MIGA1: variants seen among roughly 807,000 people sequenced by gnomAD.
MIGA1 encodes mitoguardin 1.
In MIGA1, 58 loss-of-function variants were observed where a neutral mutation model predicts 82.0. The ratio of observed to expected loss-of-function variants is 0.71; its 90% CI spans 0.57 to 0.88. The LOEUF (loss-of-function observed/expected upper bound fraction) is 0.88, where lower values mean the gene tolerates loss of function less well. MIGA1 is among the 40% of genes least tolerant of loss of function. The pLI is 0.00. For synonymous variants in MIGA1, 249 were observed against 253.6 expected (o/e 0.98, Z 0.17); for missense variants, 751 against 749.1 (o/e 1.00, Z -0.03).
intron 1 of MIGA1, chr1:77,782,840 A>G (rs1557890797): frequency 1.0e-6 from 1 of 983,990 alleles, no homozygotes; most frequent in Non-Finnish European, 1.2e-6. Context: ...CCTGCCACCT[A>G]CTCTCACCCC....
chr1:77,797,368 T>A (rs1682699616), intron 2 of MIGA1, among the ~76,000 whole-genome samples: 1 of 152,240 alleles, frequency 6.6e-6, no homozygotes, highest in Non-Finnish European at 1.5e-5. Context: ...TGTATTGATC[T>A]ATACGTCCAC....
At chr1:77,796,916 A>T (rs1682680090) in intron 2 of MIGA1, among the ~76,000 whole-genome samples, 1 of 152,170 alleles carries the variant, frequency 6.6e-6, no homozygotes, top group Non-Finnish European at 1.5e-5. Context: ...CAAACAGAAC[A>T]GTTCTTCATC....
intron 14 of MIGA1, among the ~76,000 whole-genome samples, chr1:77,871,072 C>A (rs1394098381): frequency 5.7e-5 from 6 of 105,400 alleles, no homozygotes; most frequent in African/African-American, 1.8e-4. Flanking sequence ...AGAGGGAGAC[C>A]GTGGAAGGAG....
Position 77,779,829 on chromosome 1 carries a change from G to C in MIGA1, c.81+93G>C, listed in dbSNP as rs553962801. ...CAGTTGGGGCAGAGGCCTCGGGGCA[G>C]GGGTGGCGCGGACTCCATCGCTGGC... On this transcript the variant is annotated intron_variant, in intron 1 of 15. Transcript: ENST00000370791. 5,365 of 1,444,132 alleles carry C rather than the reference G, an allele frequency of 3.7e-3. 13 individuals are homozygous for C. The highest frequency in any genetic ancestry group is 4.5e-3 in the Non-Finnish European group (4,918 of 1,102,624). The allele number at this position is 1,444,132 out of a possible 1,614,324, so 89.5% of individuals were successfully genotyped here.
At chr1:77,838,901 A>G (rs1429884334) in intron 7 of MIGA1, among the ~76,000 whole-genome samples, 5 of 152,222 alleles carry the variant, frequency 3.3e-5, no homozygotes, top group Admixed American at 1.3e-4. Context: ...GATCCATGTT[A>G]CTGCATGTAG....
At chr1:77,780,896 T>G (rs1001646862) in intron 1 of MIGA1, among the ~76,000 whole-genome samples, 7 of 151,300 alleles carry the variant, frequency 4.6e-5, no homozygotes, top group Admixed American at 1.3e-4. Context: ...GTCATAATAT[T>G]TTTTCTTTTT....
intron 7 of MIGA1, among the ~76,000 whole-genome samples, chr1:77,838,594 C>T (rs145617345): frequency 2.0e-5 from 3 of 152,148 alleles, no homozygotes; most frequent in Non-Finnish European, 2.9e-5. Flanking sequence ...GTTACAGGTG[C>T]CTGCCACCAC....
At chr1:77,783,210 A>G (rs1438015536) in intron 1 of MIGA1, 28 bp from the exon 2 acceptor site, 3 of 1,460,202 alleles carry the variant, frequency 2.1e-6, no homozygotes, top group East Asian at 2.3e-5. Flanking sequence ...CTTTGTGGCT[A>G]ATTTTTTTTA....
At chr1:77,844,329 A>G (rs1176004022) in intron 8 of MIGA1, among the ~76,000 whole-genome samples, 2 of 151,714 alleles carry the variant, frequency 1.3e-5, no homozygotes, top group Non-Finnish European at 2.9e-5. Flanking sequence ...ACATGGGAAC[A>G]TGTTAAGTGA....
chr1:77,866,449 C>A, intron 14 of MIGA1, 58 bp downstream of exon 14: 1 of 1,532,740 alleles, frequency 6.5e-7, no homozygotes, highest in Non-Finnish European at 9.0e-7. Context: ...TCTGTCAAAG[C>A]AGCTTCTGAG....
chr1:77,847,521 GAA>G (rs982400797), intron 8 of MIGA1: 6 of 1,449,058 alleles, frequency 4.1e-6, no homozygotes, highest in Non-Finnish European at 5.8e-6. Flanking sequence ...AATACAGAGA[GAA>G]AGAGAAATGG....
At chr1:77,816,202 C>T (rs1043836549) in intron 7 of MIGA1, among the ~76,000 whole-genome samples, 3 of 152,122 alleles carry the variant, frequency 2.0e-5, no homozygotes, top group Non-Finnish European at 4.4e-5. Context: ...CCTCAGCCTC[C>T]CAAAGTGCTG....
At chr1:77,845,272 C>T (rs981417891) in intron 8 of MIGA1, among the ~76,000 whole-genome samples, 20 of 152,098 alleles carry the variant, frequency 1.3e-4, no homozygotes, top group African/African-American at 4.3e-4. Flanking sequence ...AAAGCTGTTT[C>T]CTCTTCCTTT....
chr1:77,794,807 AAAG>A (rs1319458808), intron 2 of MIGA1, among the ~76,000 whole-genome samples: 2 of 152,132 alleles, frequency 1.3e-5, no homozygotes, highest in Non-Finnish European at 2.9e-5. Context: ...TCTTTTGAAA[AAAG>A]GCACACACAC....
rs1406454061 is a variant in MIGA1, at chr1:77,876,644, G to A, written c.*1580G>A. 6.6e-6 allele frequency: 1 copy of A among 152,098 alleles called. No individual in the cohort carries two copies. 9.4% of individuals were successfully genotyped at this position (152,098 alleles called of 1,614,324 possible). A position where few individuals can be genotyped will look rare whatever the true frequency, so the allele number is the denominator to read the frequency against. ...TCCCACAGAAAACTCAGCCCAGTGG[G>A]AATTTGTCATATTATGCCCATGTTT... On this transcript the variant is annotated 3_prime_UTR_variant, in exon 16 of 16. Transcript: ENST00000370791.
In MIGA1 at chr1:77,871,059, A is replaced by G. The variant is rs572993497; in HGVS notation, c.1564-1945A>G. Among the ~76,000 whole-genome samples the G allele has an allele frequency of 8.7e-5, 11 of 125,866 alleles. No individual in the cohort carries two copies. The South Asian group carries it at 3.2e-3, about 37-fold the overall frequency. 82.6% of individuals were successfully genotyped at this position (125,866 alleles called of 152,430 possible). A position where few individuals can be genotyped will look rare whatever the true frequency, so the allele number is the denominator to read the frequency against. The stretch of plus-strand genomic sequence containing the variant: ...CAGTACCGTCCAGCTTTGGCTCGGC[A>G]TCAGAGGGAGACCGTGGAAGGAGAC... On this transcript the variant is annotated intron_variant, in intron 14 of 15. Coordinates refer to ENST00000370791, the MANE Select transcript of MIGA1 (RefSeq NM_198549.4).
In MIGA1 at chr1:77,847,689, C is replaced by T; in HGVS notation, c.996+4282C>T. 3.8e-6 allele frequency: 6 copies of T among 1,578,896 alleles called. 1 individual carries two copies. The South Asian group carries it at 4.4e-5, about 12-fold the overall frequency. ...GAAAGATCTCAGTGGATTTTATAGACACTTACTAAATCAAGCAGTTGGTGA... is the reference window on the plus strand; with the variant it reads ...GAAAGATCTCAGTGGATTTTATAGATACTTACTAAATCAAGCAGTTGGTGA... On this transcript the variant is annotated intron_variant, in intron 8 of 15. Transcript: ENST00000370791.
chr1:77,870,040 G>A (rs1430028153), intron 14 of MIGA1, among the ~76,000 whole-genome samples: 6 of 123,744 alleles, frequency 4.8e-5, no homozygotes, highest in Admixed American at 2.9e-4. Flanking sequence ...AGGGGCGGCC[G>A]GGCAGAGGCG....
chr1:77,855,618 G>A (rs1685221554), intron 8 of MIGA1, among the ~76,000 whole-genome samples: 1 of 151,840 alleles, frequency 6.6e-6, no homozygotes, highest in Non-Finnish European at 1.5e-5. Context: ...TCCTTGGTTA[G>A]GTATATTCCT....
Sources: gnomAD v4.1 joint callset for allele counts (sites outside exome capture counted in the v4.1 genomes callset) on GRCh38, gnomAD v4.1.1 for gene constraint, MANE v1.5 for transcripts, NCBI Gene and HGNC (gene_info 2026-07-23, HGNC 2026-07-21) for gene names.